MTRES1: variants seen among roughly 807,000 people sequenced by gnomAD.
The protein encoded by MTRES1 is mitochondrial transcription rescue factor 1, also known as uncharacterized protein C6orf203.
A neutral mutation model predicts 17.4 loss-of-function variants in MTRES1; 11 were observed. The observed-to-expected ratio is 0.63, with a 90% CI of 0.40 to 1.05. The LOEUF (loss-of-function observed/expected upper bound fraction) is 1.05, where lower values mean the gene tolerates loss of function less well. Among genes scored for constraint, MTRES1 ranks in the 50% least tolerant of loss-of-function variants. MTRES1 has a pLI of 0.00. For synonymous variants in MTRES1, 94 were observed against 99.6 expected (o/e 0.94, Z 0.34); for missense variants, 268 against 276.2 (o/e 0.97, Z 0.21).
chr6:107,038,464 C>T (rs924996789), intron 1 of MTRES1, among the ~76,000 whole-genome samples: 2 of 152,160 alleles, frequency 1.3e-5, no homozygotes, highest in Non-Finnish European at 2.9e-5. Context: ...TGCCCTCTGA[C>T]ATGTCACAAG....
At chr6:107,039,673 A>G (rs1480353801) in intron 1 of MTRES1, 76 bp from the exon 2 acceptor site, 1 of 1,448,462 alleles carries the variant, frequency 6.9e-7, no homozygotes, top group African/African-American at 1.4e-5. Context: ...AAGCGTTCAT[A>G]GTGCATATGG....
chr6:107,044,334 T>C lies in MTRES1; in HGVS notation c.543+2T>C. The C allele has an allele frequency of 1.2e-6, 2 of 1,607,818 alleles. No homozygotes were observed. The highest frequency in any genetic ancestry group is 1.7e-6 in the Non-Finnish European group (2 of 1,174,566). Reference sequence around the variant, plus strand: ...AAATTATGGAAGAAAAGCAGAACGGTGAGATACTAACCTAAAATGACAGCC... The same window carrying C: ...AAATTATGGAAGAAAAGCAGAACGGCGAGATACTAACCTAAAATGACAGCC... On this transcript the variant is annotated splice_donor_variant, in intron 3 of 3. Coordinates refer to ENST00000311381, the MANE Select transcript of MTRES1 (RefSeq NM_016487.5). LOFTEE classifies it high-confidence loss of function.
intron 3 of MTRES1, among the ~76,000 whole-genome samples, chr6:107,050,123 G>GT (rs1325486487): frequency 6.6e-6 from 1 of 152,226 alleles, no homozygotes; most frequent in Non-Finnish European, 1.5e-5. Flanking sequence ...ACAGACCAGT[G>GT]TCCTTGACCT....
intron 2 of MTRES1, chr6:107,040,861 T>TC (rs1466056593): frequency 6.9e-6 from 1 of 144,614 alleles, no homozygotes; most frequent in African/African-American, 2.6e-5. Flanking sequence ...AGAGTGAGAC[T>TC]CCATCTGAAA....
chr6:107,035,865 T>C (rs1216861827), intron 1 of MTRES1, among the ~76,000 whole-genome samples: 1 of 152,090 alleles, frequency 6.6e-6, no homozygotes, highest in Non-Finnish European at 1.5e-5. Flanking sequence ...GCCAGGCTGG[T>C]CTCAAACTCC....
intron 1 of MTRES1, chr6:107,029,904 C>T (rs1773776950): frequency 1.7e-6 from 1 of 591,278 alleles, no homozygotes; most frequent in Non-Finnish European, 3.0e-6. Context: ...CCTGCCTGAC[C>T]TCATCTTGCC....
At chr6:107,033,825 A>G (rs1773922212) in intron 1 of MTRES1, among the ~76,000 whole-genome samples, 1 of 151,786 alleles carries the variant, frequency 6.6e-6, no homozygotes, top group African/African-American at 2.4e-5. Flanking sequence ...CTCAAAAATA[A>G]TAATAATAAT....
chr6:107,039,963 C>G lies in MTRES1; in HGVS notation c.203C>G (p.Pro68Arg), dbSNP rs1182493945. The G allele has an allele frequency of 3.7e-6, 6 of 1,613,802 alleles. No homozygotes were observed. The highest frequency in any genetic ancestry group is 5.1e-6 in the Non-Finnish European group (6 of 1,179,858). The stretch of plus-strand genomic sequence containing the variant: ...TATAATATTTTCTCACTGAGACTCC[C>G]AGGGCTTTTACTATCTCCAGAATGT... ...LFYNIFSLRLPGLLLSPECIF... is the reference protein window; with the variant it reads ...LFYNIFSLRLRGLLLSPECIF... Residue 68 changes from proline to arginine, a missense_variant, in exon 2 of 4, where the codon CCA becomes CGA. By Grantham distance (103) the Pro-to-Arg change is moderately radical (BLOSUM62 -2). Transcript: ENST00000311381.
chr6:107,044,658 G>T (rs1385415643), intron 3 of MTRES1, among the ~76,000 whole-genome samples: 1 of 152,168 alleles, frequency 6.6e-6, no homozygotes, highest in Admixed American at 6.6e-5. Flanking sequence ...AGATTTCAAA[G>T]AAACATTTGA....
chr6:107,031,508 C>A (rs13196563), intron 1 of MTRES1, among the ~76,000 whole-genome samples: 39,380 of 146,544 alleles, frequency 0.27, 5,681 homozygotes, highest in South Asian at 0.35. Context: ...AGTGCAATGG[C>A]TTCGGCTCAC....
chr6:107,029,205 T>TTTTTTTTTTTTTA (rs1554226094), intron 1 of MTRES1, among the ~76,000 whole-genome samples: 2 of 151,234 alleles, frequency 1.3e-5, no homozygotes, highest in African/African-American at 4.9e-5. Context: ...TTTTTTTTTT[T>TTTTTTTTTTTTTA]GAGACGCAGT....
intron 3 of MTRES1, among the ~76,000 whole-genome samples, chr6:107,046,858 T>TC (rs1192019217): frequency 6.6e-6 from 1 of 152,072 alleles, no homozygotes; most frequent in Non-Finnish European, 1.5e-5. Flanking sequence ...ACTCATCTCT[T>TC]CCTGGGATCA....
rs1206114355 is a variant in MTRES1 at position 107,045,131 on chromosome 6, G to A, written c.543+799G>A. Among the ~76,000 whole-genome samples the A allele has an allele frequency of 3.3e-5, 5 of 151,364 alleles. No homozygotes were observed. In the Admixed American group the frequency reaches 3.3e-4, roughly 10 times the overall value. Reference sequence around the variant, plus strand: ...GCCTAGGAGGTCAAGGCTGCAGTGAGCCATAATCATGCCAATGCACTCCAG... The same window carrying A: ...GCCTAGGAGGTCAAGGCTGCAGTGAACCATAATCATGCCAATGCACTCCAG... On this transcript the variant is annotated intron_variant, in intron 3 of 3. Transcript: ENST00000311381.
At chr6:107,038,569 G>C (rs907219132) in intron 1 of MTRES1, among the ~76,000 whole-genome samples, 7 of 152,136 alleles carry the variant, frequency 4.6e-5, no homozygotes, top group Non-Finnish European at 7.3e-5. Flanking sequence ...GATGTAAAAG[G>C]AGTTAAAATG....
intron 3 of MTRES1, among the ~76,000 whole-genome samples, chr6:107,050,031 C>T (rs1164597050): frequency 1.3e-5 from 2 of 152,146 alleles, no homozygotes; most frequent in Non-Finnish European, 2.9e-5. Context: ...CTGTTTGGCC[C>T]TTCTTGAGTG....
At chr6:107,036,025 AAT>A (rs1554226904) in intron 1 of MTRES1, among the ~76,000 whole-genome samples, 2 of 152,090 alleles carry the variant, frequency 1.3e-5, no homozygotes, top group African/African-American at 4.8e-5. Flanking sequence ...TTTATGAAAA[AAT>A]ATTATTGCAT....
At chr6:107,046,824 G>A (rs1389456407) in intron 3 of MTRES1, among the ~76,000 whole-genome samples, 2 of 152,170 alleles carry the variant, frequency 1.3e-5, no homozygotes, top group African/African-American at 4.8e-5. Flanking sequence ...TGGTGTCCAA[G>A]TATGGGGATT....
chr6:107,035,621 G>A (rs1479527765), intron 1 of MTRES1, among the ~76,000 whole-genome samples: 2 of 151,936 alleles, frequency 1.3e-5, no homozygotes, highest in Non-Finnish European at 2.9e-5. Flanking sequence ...ATCTTACAGT[G>A]GTTAACATAG....
intron 1 of MTRES1, among the ~76,000 whole-genome samples, chr6:107,033,880 A>T (rs1773924060): frequency 6.6e-6 from 1 of 152,168 alleles, no homozygotes; most frequent in African/African-American, 2.4e-5. Context: ...TGTGACCCTG[A>T]GTGCCCACTG....
Sources: gnomAD v4.1 joint callset for allele counts (sites outside exome capture counted in the v4.1 genomes callset) on GRCh38, gnomAD v4.1.1 for gene constraint, MANE v1.5 for transcripts, NCBI Gene and HGNC (gene_info 2026-07-23, HGNC 2026-07-21) for gene names.